The following MCTP1 variants were observed in gnomAD, a reference collection of about 807,000 sequenced individuals.
The protein encoded by MCTP1 is multiple C2 and transmembrane domain-containing protein 1.
MCTP1 carries 69 observed loss-of-function variants against 120.6 expected under a neutral mutation model. That is an observed-to-expected ratio of 0.57 (90% CI 0.47 to 0.70). The LOEUF is 0.70. Among genes scored for constraint, MCTP1 ranks in the 30% least tolerant of loss-of-function variants. The pLI, the probability that MCTP1 is intolerant of heterozygous loss-of-function variation, is 0.00. For synonymous variants in MCTP1, 529 were observed against 493.1 expected (o/e 1.07, Z -0.96); for missense variants, 1,203 against 1,248.8 (o/e 0.96, Z 0.55).
chr5:95,171,312 A>T (rs962981801), intron 1 of MCTP1, among the ~76,000 whole-genome samples: 1 of 152,136 alleles, frequency 6.6e-6, no homozygotes. Flanking sequence ...CTTTGTGGAT[A>T]ACCCCACCTT....
chr5:95,099,627 G>T (rs981410235), intron 1 of MCTP1, among the ~76,000 whole-genome samples: 2 of 146,928 alleles, frequency 1.4e-5, no homozygotes, highest in African/African-American at 2.5e-5. Context: ...GAAACAACAG[G>T]TGCTGGAAAG....
intron 1 of MCTP1, among the ~76,000 whole-genome samples, chr5:95,080,942 T>C (rs548737967): frequency 6.6e-6 from 1 of 152,226 alleles, no homozygotes; most frequent in Admixed American, 6.5e-5. Context: ...AGGCTTTCAC[T>C]AATTTTCCAC....
At position 94,753,581 on chromosome 5, in the gene MCTP1, G is replaced by A. The variant is rs148751418; in HGVS notation, c.2610+25529C>T. ...ATGATTGTGGTGTGTAGTTGCTTCT[G>A]TAATAATTACAGTGATGCTATTGCA... On this transcript the variant is annotated intron_variant, in intron 19 of 22. Coordinates refer to ENST00000515393, the MANE Select transcript of MCTP1 (RefSeq NM_024717.7). Among the ~76,000 whole-genome samples, 627 of 152,300 alleles carry A rather than the reference G, an allele frequency of 4.1e-3. 3 individuals carry two copies. Among genetic ancestry groups the A allele is most frequent in the African/African-American group, 0.014 (573 of 41,566 alleles).
At chr5:95,252,690 G>A (rs762073109) in intron 1 of MCTP1, among the ~76,000 whole-genome samples, 29 of 151,864 alleles carry the variant, frequency 1.9e-4, no homozygotes, top group Non-Finnish European at 3.5e-4. Flanking sequence ...TTTCTTAGGC[G>A]CTCCATTCCT....
At chr5:95,176,267 G>A (rs1319305660) in intron 1 of MCTP1, among the ~76,000 whole-genome samples, 1 of 152,192 alleles carries the variant, frequency 6.6e-6, no homozygotes, top group Non-Finnish European at 1.5e-5. Flanking sequence ...GCTCACGCCT[G>A]TAATCCCAGA....
chr5:95,248,047 C>G (rs1389347152), intron 1 of MCTP1, among the ~76,000 whole-genome samples: 1 of 152,100 alleles, frequency 6.6e-6, no homozygotes, highest in African/African-American at 2.4e-5. Context: ...CTATTTATGA[C>G]AAAACTACAG....
At chr5:94,852,120 T>C (rs1361345254) in intron 17 of MCTP1, among the ~76,000 whole-genome samples, 2 of 151,928 alleles carry the variant, frequency 1.3e-5, no homozygotes, top group Non-Finnish European at 2.9e-5. Context: ...AGATTCATAG[T>C]TGAAACTTTG....
chr5:94,985,316 T>C (rs1264703579), intron 2 of MCTP1, among the ~76,000 whole-genome samples: 1 of 152,242 alleles, frequency 6.6e-6, no homozygotes, highest in Non-Finnish European at 1.5e-5. Context: ...ATACAAATGC[T>C]ACCTTAATTG....
rs576993517 is a variant in MCTP1, at chr5:94,747,969, A to C, written c.2610+31141T>G. Among the ~76,000 whole-genome samples the C allele has an allele frequency of 2.6e-5, 4 of 152,244 alleles. No individual in the cohort carries two copies. The East Asian group carries it at 7.7e-4, about 29-fold the overall frequency. The stretch of plus-strand genomic sequence containing the variant: ...GCTCGGCGTAGTGGCGCGCGCCTGT[A>C]ATCCCAGGTACTTGGGAGGCTGAGG... On this transcript the variant is annotated intron_variant, in intron 19 of 22. Coordinates refer to ENST00000515393, the MANE Select transcript of MCTP1 (RefSeq NM_024717.7).
intron 19 of MCTP1, among the ~76,000 whole-genome samples, chr5:94,742,088 T>C (rs1162021324): frequency 4.5e-5 from 3 of 66,544 alleles, no homozygotes; most frequent in African/African-American, 1.6e-4. Flanking sequence ...GTCATTAAGG[T>C]AATAACATTA....
At chr5:94,869,019 T>G (rs566747875) in intron 16 of MCTP1, among the ~76,000 whole-genome samples, 1 of 152,046 alleles carries the variant, frequency 6.6e-6, no homozygotes, top group South Asian at 2.1e-4. Context: ...AAATTTAACC[T>G]ATATTTTCTC....
intron 2 of MCTP1, among the ~76,000 whole-genome samples, chr5:94,972,801 A>G (rs1446541764): frequency 1.3e-5 from 2 of 152,102 alleles, no homozygotes; most frequent in South Asian, 2.1e-4. Flanking sequence ...AGAGCCAATC[A>G]ATTTTGTGTG....
intron 6 of MCTP1, chr5:94,929,502 AT>A (rs1813993479): frequency 1.9e-5 from 6 of 322,268 alleles, no homozygotes; most frequent in Non-Finnish European, 2.7e-5. Flanking sequence ...ATTTCCAAAA[AT>A]AAAAAACGAA....
At chr5:94,882,271 T>C (rs180793139) in intron 12 of MCTP1, among the ~76,000 whole-genome samples, 2 of 152,252 alleles carry the variant, frequency 1.3e-5, no homozygotes, top group East Asian at 1.9e-4. Flanking sequence ...AGTAAACACA[T>C]TGAACAGCTT....
chr5:94,998,821 CTGAG>C (rs1833100962), intron 2 of MCTP1, among the ~76,000 whole-genome samples: 2 of 152,198 alleles, frequency 1.3e-5, no homozygotes, highest in African/African-American at 2.4e-5. Context: ...TGTTAACTCA[CTGAG>C]TGAGTGCTTG....
intron 1 of MCTP1, among the ~76,000 whole-genome samples, chr5:95,229,547 G>C (rs1378054743): frequency 6.6e-6 from 1 of 152,108 alleles, no homozygotes; most frequent in Non-Finnish European, 1.5e-5. Flanking sequence ...AGGAGTTTGA[G>C]ACCAGCCTGG....
chr5:94,834,539 T>A lies in MCTP1; in HGVS notation c.2436+33794A>T, dbSNP rs2153174579. Among the ~76,000 whole-genome samples, 2 of 152,274 alleles carry A rather than the reference T, an allele frequency of 1.3e-5. 1 individual carries two copies. The highest frequency in any genetic ancestry group is 4.1e-4 in the South Asian group (2 of 4,828). Reference sequence around the variant, plus strand: ...TTTGAGATACTAAGACTTTTAGGATTTTTTGGTTATGAAATTTCAAAGCTG... The same window carrying A: ...TTTGAGATACTAAGACTTTTAGGATATTTTGGTTATGAAATTTCAAAGCTG... On this transcript the variant is annotated intron_variant, in intron 17 of 22. Transcript: ENST00000515393.
At chr5:94,737,917 G>A (rs1580393714) in intron 19 of MCTP1, among the ~76,000 whole-genome samples, 1 of 152,146 alleles carries the variant, frequency 6.6e-6, no homozygotes, top group Admixed American at 6.5e-5. Flanking sequence ...GAGCTCAGGC[G>A]ATCCACCTGC....
intron 1 of MCTP1, among the ~76,000 whole-genome samples, chr5:95,156,939 G>A (rs1448862150): frequency 6.6e-6 from 1 of 152,016 alleles, no homozygotes; most frequent in Non-Finnish European, 1.5e-5. Context: ...ATGCATTCAT[G>A]GCTGATCTTA....
Sources: allele counts gnomAD v4.1 joint callset (sites outside exome capture counted in the v4.1 genomes callset), GRCh38; gene constraint gnomAD v4.1.1; transcripts MANE v1.5; gene names NCBI Gene and HGNC (gene_info 2026-07-23, HGNC 2026-07-21).